SLC38A8: variants seen among roughly 807,000 people sequenced by gnomAD.
SLC38A8 encodes solute carrier family 38 member 8, also known as amino acid transporter SLC38A8.
Under a neutral mutation model 46.0 loss-of-function variants are expected in SLC38A8, and 65 were observed. That is an observed-to-expected ratio of 1.41 (90% confidence interval 1.16 to 1.74). SLC38A8 has a LOEUF of 1.74. Ranked by LOEUF, SLC38A8 falls within the 40% of genes most tolerant of loss-of-function variation. The pLI is 0.00. For missense variants in SLC38A8, 998 were observed against 567.9 expected (o/e 1.76, Z -7.70); for synonymous variants, 447 against 243.7 (o/e 1.83, Z -7.77).
chr16:84,016,651 G>C lies in SLC38A8; in HGVS notation c.1030C>G (p.Leu344Val). The change falls in exon 9 of 11, where the codon CTG becomes GTG. Residue 344 changes from leucine (L) to valine (V), a missense_variant. Leu to Val is a conservative substitution (Grantham distance 32). Transcript: ENST00000299709. ...GPSALADPSGLWVRMPLTILW... is the reference protein window; with the variant it reads ...GPSALADPSGVWVRMPLTILW... ...ATGGTCAGCGGCATCCGGACCCACA[G>C]CCCTGAGGGGTCGGCCAGGGCGCTG... 1.2e-6 allele frequency: 2 copies of C among 1,613,804 alleles called. No individual in the cohort carries two copies. The highest frequency in any genetic ancestry group is 8.5e-7 in the Non-Finnish European group (1 of 1,180,030).
intron 2 of SLC38A8, among the ~76,000 whole-genome samples, chr16:84,039,030 G>C (rs1264780881): frequency 6.6e-6 from 1 of 152,176 alleles, no homozygotes; most frequent in Non-Finnish European, 1.5e-5. Context: ...TAAGGATCTT[G>C]AGGTGAGGTC....
In SLC38A8 at chr16:84,041,780, G is replaced by T. The variant is rs561275289; in HGVS notation, c.189+189C>A. On this transcript the variant is annotated intron_variant, in intron 2 of 10. Transcript: ENST00000299709. ...ATCAGATGCCACCAGCGCCCACGGGGGATATTCTCATCCCAGGGCTACAGT... is the reference window on the plus strand; with the variant it reads ...ATCAGATGCCACCAGCGCCCACGGGTGATATTCTCATCCCAGGGCTACAGT... Among the ~76,000 whole-genome samples the T allele has an allele frequency of 1.0e-3, 152 of 152,268 alleles. 1 individual carries two copies. Among genetic ancestry groups the T allele is most frequent in the African/African-American group, 3.3e-3 (139 of 41,542 alleles).
chr16:84,031,808 C>G (rs2085242068), intron 5 of SLC38A8, 59 bp downstream of exon 5: 2 of 1,445,888 alleles, frequency 1.4e-6, no homozygotes, highest in African/African-American at 1.4e-5. Context: ...ACTCCCCTCA[C>G]AGACTCCCCT....
chr16:84,016,864 G>A (rs2085033191), intron 8 of SLC38A8, 137 bp from the exon 9 acceptor site: 1 of 1,126,346 alleles, frequency 8.9e-7, no homozygotes, highest in Non-Finnish European at 1.2e-6. Flanking sequence ...TTATTCCCCA[G>A]GAGACCTTGC....
rs559805543 is a variant in SLC38A8 at position 84,034,419 on chromosome 16, G to A, written c.389-950C>T. Among the ~76,000 whole-genome samples, 55 of 152,328 alleles carry A rather than the reference G, an allele frequency of 3.6e-4. 1 individual carries two copies. Among genetic ancestry groups the A allele is most frequent in the Middle Eastern group, 3.4e-3 (1 of 294 alleles). On this transcript the variant is annotated intron_variant, in intron 3 of 10. Coordinates refer to ENST00000299709, the MANE Select transcript of SLC38A8 (RefSeq NM_001080442.3). ...GATGAATGATTTGGAACCCATCTAAGAGGTAAGACAGATGGGGGAGGGGAA... is the reference window on the plus strand; with the variant it reads ...GATGAATGATTTGGAACCCATCTAAAAGGTAAGACAGATGGGGGAGGGGAA...
intron 6 of SLC38A8, among the ~76,000 whole-genome samples, chr16:84,026,516 C>T (rs894193102): frequency 8.5e-5 from 13 of 152,172 alleles, no homozygotes; most frequent in African/African-American, 2.4e-5. Flanking sequence ...CATGAGCCAC[C>T]GTGCCCAGCC....
intron 6 of SLC38A8, among the ~76,000 whole-genome samples, chr16:84,023,172 G>T (rs182356467): frequency 6.6e-6 from 1 of 151,824 alleles, no homozygotes; most frequent in African/African-American, 2.4e-5. Flanking sequence ...TAGCTCTCTA[G>T]CTCATTACAA....
chr16:84,013,105 C>A (rs1199051071), intron 9 of SLC38A8, 53 bp from the exon 10 acceptor site: 2 of 1,609,038 alleles, frequency 1.2e-6, no homozygotes, highest in Non-Finnish European at 8.5e-7. Flanking sequence ...CCCAAAGCAA[C>A]AAAAAGGTCC....
intron 2 of SLC38A8, among the ~76,000 whole-genome samples, chr16:84,039,369 G>A (rs1037294211): frequency 6.6e-6 from 1 of 152,206 alleles, no homozygotes; most frequent in African/African-American, 2.4e-5. Flanking sequence ...TAAGCTCCCT[G>A]AAGACTGGGT....
At chr16:84,039,743 CAAAAAAAAAAA>C (rs56074069) in intron 2 of SLC38A8, among the ~76,000 whole-genome samples, 141 of 85,804 alleles carry the variant, frequency 1.6e-3, no homozygotes, top group South Asian at 3.0e-3. Flanking sequence ...GTGAGACCTT[CAAAAAAAAAAA>C]AAAAAAAAAA....
In SLC38A8 at chr16:84,035,066, G is replaced by C. The variant is rs372937112; in HGVS notation, c.389-1597C>G. Among the ~76,000 whole-genome samples the C allele has an allele frequency of 3.9e-5, 6 of 152,196 alleles. No homozygotes were observed. In the East Asian group the frequency reaches 1.2e-3, roughly 29 times the overall value. On this transcript the variant is annotated intron_variant, in intron 3 of 10. Transcript: ENST00000299709. Reference sequence around the variant, plus strand: ...TATCTAACCAGATATACACAAGAACGCTCTCTCCACCACAGTCAATCAACC... The same window carrying C: ...TATCTAACCAGATATACACAAGAACCCTCTCTCCACCACAGTCAATCAACC...
intron 3 of SLC38A8, among the ~76,000 whole-genome samples, chr16:84,035,974 A>G (rs2085295554): frequency 6.6e-6 from 1 of 152,204 alleles, no homozygotes; most frequent in South Asian, 2.1e-4. Flanking sequence ...GTACCCAGCA[A>G]CTGCAGAGTA....
At chr16:84,013,704 C>T (rs2084986601) in intron 9 of SLC38A8, among the ~76,000 whole-genome samples, 1 of 150,822 alleles carries the variant, frequency 6.6e-6, no homozygotes, top group Non-Finnish European at 1.5e-5. Flanking sequence ...GCTGGGATTA[C>T]AGGCATGAGC....
At chr16:84,028,897 G>A (rs11643441) in intron 6 of SLC38A8, among the ~76,000 whole-genome samples, 8,830 of 152,192 alleles carry the variant, frequency 0.058, 366 homozygotes, top group Middle Eastern at 0.14. Context: ...CACCTTGAGC[G>A]GACACCTCTG....
rs143101034 is a variant in SLC38A8, at chr16:84,026,898, T to G, written c.690+2596A>C. Among the ~76,000 whole-genome samples the G allele has an allele frequency of 5.1e-3, 779 of 152,274 alleles. 7 individuals carry two copies. The highest frequency in any genetic ancestry group is 0.013 in the South Asian group (65 of 4,822). On this transcript the variant is annotated intron_variant, in intron 6 of 10. Coordinates refer to ENST00000299709, the MANE Select transcript of SLC38A8 (RefSeq NM_001080442.3). ...GCAGAGGTGGAGAATGGAGAGTGAC[T>G]GACGGCGATGGGTTTCTTCGAGGGG...
In SLC38A8 at chr16:84,036,692, A is replaced by G; in HGVS notation, c.388+10T>C. ...CCCTGGGCCACCCCGAGTCCCATGA[A>G]GGTACTTACGCTTCTCCAGCTGGTC... On this transcript the variant is annotated intron_variant, in intron 3 of 10. Coordinates refer to ENST00000299709, the MANE Select transcript of SLC38A8 (RefSeq NM_001080442.3). 1 of 1,613,970 alleles carries G rather than the reference A, an allele frequency of 6.2e-7. No individual in the cohort carries two copies. Among genetic ancestry groups the G allele is most frequent in the Non-Finnish European group, 8.5e-7 (1 of 1,180,004 alleles).
intron 6 of SLC38A8, among the ~76,000 whole-genome samples, chr16:84,028,102 G>T (rs771766521): frequency 1.3e-5 from 2 of 151,190 alleles, no homozygotes; most frequent in Non-Finnish European, 2.9e-5. Context: ...ATGAAGAACA[G>T]AAGCAGAGCT....
chr16:84,010,181 C>A (rs1354570824), intron 10 of SLC38A8, among the ~76,000 whole-genome samples: 1 of 149,692 alleles, frequency 6.7e-6, no homozygotes, highest in African/African-American at 2.5e-5. Context: ...AGCAATTCTC[C>A]TGCCTCAGCC....
At chr16:84,042,848 C>T (rs1426271796), upstream of SLC38A8, among the ~76,000 whole-genome samples, 4 of 150,352 alleles carry the variant, frequency 2.7e-5, no homozygotes, top group African/African-American at 9.9e-5. Context: ...CCCGCCTCTC[C>T]CCAGCCCCCT....
Sources: allele counts gnomAD v4.1 joint callset (sites outside exome capture counted in the v4.1 genomes callset), GRCh38; gene constraint gnomAD v4.1.1; transcripts MANE v1.5; gene names NCBI Gene and HGNC (gene_info 2026-07-23, HGNC 2026-07-21).